Variants in HS2ST1 observed in about 807,000 individuals in gnomAD.
The protein encoded by HS2ST1 is heparan sulfate 2-O-sulfotransferase 1, also known as 2-O-sulfotransferase.
HS2ST1 carries 18 observed loss-of-function variants against 42.9 expected under a neutral mutation model. That is an observed-to-expected ratio of 0.42 (90% CI 0.29 to 0.62). HS2ST1 has a LOEUF of 0.62. Among genes scored for constraint, HS2ST1 ranks in the 20% least tolerant of loss-of-function variants. The pLI is 0.21. For missense variants in HS2ST1, 334 were observed against 433.8 expected (o/e 0.77, Z 2.04); for synonymous variants, 146 against 152.9 (o/e 0.95, Z 0.33).
In HS2ST1 at chr1:86,931,744, T is replaced by G. The variant is rs533845819; in HGVS notation, c.124+16584T>G. The stretch of plus-strand genomic sequence containing the variant: ...TCAGTGTGGAACCTTATATAATGAT[T>G]GTTGAGCACATTTTGACATAATTTA... On this transcript the variant is annotated intron_variant, in intron 1 of 6. Transcript: ENST00000370550. Among the ~76,000 whole-genome samples, 16 of 152,234 alleles carry G rather than the reference T, an allele frequency of 1.1e-4. No homozygotes were observed. In the East Asian group the frequency reaches 3.1e-3, roughly 29 times the overall value.
chr1:87,034,164 A>G (rs560838540), intron 1 of HS2ST1, among the ~76,000 whole-genome samples: 73 of 152,356 alleles, frequency 4.8e-4, no homozygotes, highest in African/African-American at 1.6e-3. Flanking sequence ...AATAGAATCA[A>G]TGGTGAGAAT....
At chr1:86,915,847 G>A (rs1288975632) in intron 1 of HS2ST1, among the ~76,000 whole-genome samples, 3 of 152,180 alleles carry the variant, frequency 2.0e-5, no homozygotes, top group Non-Finnish European at 4.4e-5. Context: ...TGATGAATTG[G>A]GGCTTGAGAA....
intron 1 of HS2ST1, chr1:87,046,002 G>A (rs1367934825): frequency 4.3e-6 from 3 of 699,172 alleles, no homozygotes; most frequent in East Asian, 6.9e-5. Flanking sequence ...AAGATCAAAG[G>A]CACAGGTTGC....
In HS2ST1 at chr1:86,914,753, G is replaced by A. The variant is rs529101062; in HGVS notation, c.-284G>A. ...GGGTCGGGGACTGAGGCAGTAGAGG[G>A]AGGCGAGAGCCCGGCAGCCGCTTCG... On this transcript the variant is annotated 5_prime_UTR_variant, in exon 1 of 7. Transcript: ENST00000370550. 1 of 466,194 alleles carries A rather than the reference G, an allele frequency of 2.1e-6. No homozygotes were observed. The highest frequency in any genetic ancestry group is 3.9e-5 in the Admixed American group (1 of 25,374). 28.9% of individuals were successfully genotyped at this position (466,194 alleles called of 1,614,324 possible). A position where few individuals can be genotyped will look rare whatever the true frequency, so the allele number is the denominator to read the frequency against.
intron 1 of HS2ST1, among the ~76,000 whole-genome samples, chr1:86,973,359 A>G (rs560297193): frequency 1.4e-4 from 22 of 152,192 alleles, no homozygotes; most frequent in Non-Finnish European, 2.8e-4. Context: ...GTATGCTAAA[A>G]TGAAAAACGC....
rs1208530422 is a variant in HS2ST1 at position 86,914,665 on chromosome 1, G to C, written c.-372G>C. Reference sequence around the variant, plus strand: ...CGCAGCGCCGGTGGAGGGGCGCGCGGCCGCGAGCAAAGGAGGGAGGGAAGG... The same window carrying C: ...CGCAGCGCCGGTGGAGGGGCGCGCGCCCGCGAGCAAAGGAGGGAGGGAAGG... On this transcript the variant is annotated 5_prime_UTR_variant, in exon 1 of 7. Coordinates refer to ENST00000370550, the MANE Select transcript of HS2ST1 (RefSeq NM_012262.4). The C allele has an allele frequency of 4.5e-6, 1 of 224,160 alleles. No individual in the cohort carries two copies. The highest frequency in any genetic ancestry group is 1.3e-4 in the East Asian group (1 of 7,436). 13.9% of individuals were successfully genotyped at this position (224,160 alleles called of 1,614,324 possible).
chr1:87,086,373 C>T (rs1475935025), intron 3 of HS2ST1, among the ~76,000 whole-genome samples: 1 of 152,080 alleles, frequency 6.6e-6, no homozygotes, highest in African/African-American at 2.4e-5. Context: ...TATGCATGGG[C>T]CTGCACAGTT....
At chr1:86,985,039 G>T (rs1174558803) in intron 1 of HS2ST1, among the ~76,000 whole-genome samples, 1 of 151,576 alleles carries the variant, frequency 6.6e-6, no homozygotes, top group Non-Finnish European at 1.5e-5. Context: ...GACTCCCATA[G>T]TACCCTAAAC....
intron 1 of HS2ST1, among the ~76,000 whole-genome samples, chr1:87,020,659 G>C (rs1462340327): frequency 6.6e-6 from 1 of 152,172 alleles, no homozygotes; most frequent in African/African-American, 2.4e-5. Flanking sequence ...GGAGATCAAG[G>C]TGTTGGCAGG....
chr1:87,007,215 T>A (rs192099807), intron 1 of HS2ST1, among the ~76,000 whole-genome samples: 37 of 152,216 alleles, frequency 2.4e-4, no homozygotes, highest in Non-Finnish European at 3.5e-4. Flanking sequence ...TAGTTTTTTT[T>A]AAAAAGTTTA....
chr1:86,951,344 C>G (rs557218585), intron 1 of HS2ST1, among the ~76,000 whole-genome samples: 5 of 152,236 alleles, frequency 3.3e-5, no homozygotes, highest in Non-Finnish European at 7.4e-5. Context: ...ACAGGCGTAT[C>G]TCAGAAATAT....
chr1:86,923,694 C>T (rs369348311), intron 1 of HS2ST1, among the ~76,000 whole-genome samples: 2 of 152,158 alleles, frequency 1.3e-5, no homozygotes, highest in African/African-American at 2.4e-5. Context: ...CTTCGCCTGG[C>T]GGGAATGCCT....
chr1:87,076,648 TTAGTTAA>T lies in HS2ST1; in HGVS notation c.363+3480_363+3486del, dbSNP rs540888291. On this transcript the variant is annotated intron_variant, in intron 2 of 6. Transcript: ENST00000370550. ...GATACATTTTTGCGATGGGCTTTAC[TTAGTTAA>T]TAGAGAGGAATTGGCAAGAGATAGG... is the stretch of plus-strand genomic sequence containing the variant. Among the ~76,000 whole-genome samples, 157 of 152,318 alleles carry T rather than the reference TTAGTTAA, an allele frequency of 1.0e-3. 1 individual carries two copies. Among genetic ancestry groups the T allele is most frequent in the African/African-American group, 3.6e-3 (150 of 41,568 alleles).
intron 1 of HS2ST1, among the ~76,000 whole-genome samples, chr1:86,962,464 G>A (rs1647875042): frequency 6.6e-6 from 1 of 152,128 alleles, no homozygotes; most frequent in African/African-American, 2.4e-5. Flanking sequence ...GAATTTTACT[G>A]TGGAATTACA....
chr1:87,026,039 A>T (rs1650079775), intron 1 of HS2ST1, among the ~76,000 whole-genome samples: 1 of 152,246 alleles, frequency 6.6e-6, no homozygotes, highest in Admixed American at 6.5e-5. Flanking sequence ...GTGAGCCAAT[A>T]GATTGCAACT....
chr1:86,914,910 G>T lies in HS2ST1; in HGVS notation c.-127G>T. The T allele has an allele frequency of 8.4e-7, 1 of 1,191,048 alleles. No individual in the cohort carries two copies. Among genetic ancestry groups the T allele is most frequent in the East Asian group, 2.4e-5 (1 of 42,386 alleles). 73.8% of individuals were successfully genotyped at this position (1,191,048 alleles called of 1,614,324 possible). ...GGCGAGAAGGGGGGTCGCTGCGGTG[G>T]TTCTCTCGCTGTCGCTCTCTCTTTG... On this transcript the variant is annotated 5_prime_UTR_variant, in exon 1 of 7. Transcript: ENST00000370550.
chr1:87,082,975 C>CA (rs2100643312), intron 2 of HS2ST1, among the ~76,000 whole-genome samples: 1 of 152,270 alleles, frequency 6.6e-6, no homozygotes, highest in South Asian at 2.1e-4. Flanking sequence ...CCAAGTAAGG[C>CA]ATATAACCAT....
At chr1:87,049,907 A>G (rs1199468621) in intron 1 of HS2ST1, among the ~76,000 whole-genome samples, 2 of 152,010 alleles carry the variant, frequency 1.3e-5, no homozygotes, top group African/African-American at 2.4e-5. Flanking sequence ...CTTTTAATTC[A>G]TATGTTTTTA....
Position 86,985,405 on chromosome 1 carries a change from T to C in HS2ST1, c.124+70245T>C, listed in dbSNP as rs868683374. On this transcript the variant is annotated intron_variant, in intron 1 of 6. Transcript: ENST00000370550. ...ATATACACACACACACACACATATA[T>C]ATACACATATATATACACATATATA... Among the ~76,000 whole-genome samples the C allele has an allele frequency of 9.3e-3, 287 of 30,732 alleles. 32 individuals are homozygous for C. Among genetic ancestry groups the C allele is most frequent in the African/African-American group, 0.015 (222 of 14,690 alleles). 20.2% of individuals were successfully genotyped at this position (30,732 alleles called of 152,430 possible).
Sources: gnomAD v4.1 joint callset for allele counts (sites outside exome capture counted in the v4.1 genomes callset) on GRCh38, gnomAD v4.1.1 for gene constraint, MANE v1.5 for transcripts, NCBI Gene and HGNC (gene_info 2026-07-23, HGNC 2026-07-21) for gene names.